CDH18: variants seen among roughly 807,000 people sequenced by gnomAD.
CDH18 encodes cadherin 18.
Under a neutral mutation model 67.9 loss-of-function variants are expected in CDH18, and 31 were observed. The observed-to-expected ratio is 0.46, with a 90% CI of 0.34 to 0.62. CDH18 has a LOEUF of 0.62. Ranked by LOEUF, CDH18 falls within the 20% of genes least tolerant of loss-of-function variation. The pLI, the probability that CDH18 is intolerant of heterozygous loss-of-function variation, is 0.01. For missense variants in CDH18, 890 were observed against 975.5 expected (o/e 0.91, Z 1.17); for synonymous variants, 362 against 347.2 (o/e 1.04, Z -0.48).
chr5:19,542,598 G>A (rs1750448704), intron 9 of CDH18, among the ~76,000 whole-genome samples: 1 of 152,076 alleles, frequency 6.6e-6, no homozygotes, highest in Non-Finnish European at 1.5e-5. Flanking sequence ...AAGTACCAAT[G>A]ACACATACTA....
intron 10 of CDH18, among the ~76,000 whole-genome samples, chr5:19,512,030 G>A (rs1027933310): frequency 6.6e-6 from 1 of 152,132 alleles, no homozygotes; most frequent in Non-Finnish European, 1.5e-5. Flanking sequence ...ATGCTGCTTT[G>A]TGCAGGACTT....
At chr5:20,497,831 C>G (rs1754003529) in intron 1 of CDH18, among the ~76,000 whole-genome samples, 1 of 152,014 alleles carries the variant, frequency 6.6e-6, no homozygotes. Context: ...ATTTGTGTCC[C>G]CTACAAAAGT....
chr5:19,913,271 TCA>T (rs1791360012), intron 2 of CDH18, among the ~76,000 whole-genome samples: 1 of 152,176 alleles, frequency 6.6e-6, no homozygotes, highest in Admixed American at 6.6e-5. Flanking sequence ...CTCTTTTTTC[TCA>T]TATATGTTTT....
intron 2 of CDH18, among the ~76,000 whole-genome samples, chr5:19,841,908 T>C (rs1367524974): frequency 6.6e-6 from 1 of 152,214 alleles, no homozygotes; most frequent in Non-Finnish European, 1.5e-5. Context: ...AAAATAGATA[T>C]ATACTGTGCT....
intron 2 of CDH18, among the ~76,000 whole-genome samples, chr5:20,080,565 G>A (rs1744367301): frequency 6.6e-6 from 1 of 152,034 alleles, no homozygotes; most frequent in South Asian, 2.1e-4. Context: ...TAAAATACTT[G>A]AATGTAATAA....
chr5:19,714,911 G>T (rs1765162261), intron 5 of CDH18, among the ~76,000 whole-genome samples: 1 of 151,884 alleles, frequency 6.6e-6, no homozygotes, highest in Non-Finnish European at 1.5e-5. Context: ...TTATCAATAG[G>T]AATGGGTTAT....
chr5:19,535,511 C>A (rs954434821), intron 9 of CDH18, among the ~76,000 whole-genome samples: 1 of 152,034 alleles, frequency 6.6e-6, no homozygotes, highest in African/African-American at 2.4e-5. Context: ...CAGCTGCTAA[C>A]CAAAAATAAC....
intron 2 of CDH18, among the ~76,000 whole-genome samples, chr5:20,090,096 GAA>G (rs1745292403): frequency 6.6e-6 from 1 of 151,910 alleles, no homozygotes; most frequent in African/African-American, 2.4e-5. Context: ...AATAAAAGCA[GAA>G]AATAACAAAA....
Position 19,747,064 on chromosome 5 carries a change from C to G in CDH18, c.401G>C (p.Arg134Pro). 4 of 1,614,048 alleles carry G rather than the reference C, an allele frequency of 2.5e-6. No individual in the cohort carries two copies. Among genetic ancestry groups the G allele is most frequent in the Non-Finnish European group, 3.4e-6 (4 of 1,179,984 alleles). The change falls in exon 4 of 13, where the codon CGT (arginine) becomes CCT (proline). Residue 134 changes from arginine to proline, a missense_variant. Physicochemically the swap from Arg to Pro is moderately radical, Grantham distance 103 (BLOSUM62 -2). Transcript: ENST00000382275. Reference sequence around the variant, plus strand: ...TTCAGGCTCAAGAGGTTTGTTTGTACGTCTATCAATAGCTTGAGCATGAAG... The same window carrying G: ...TTCAGGCTCAAGAGGTTTGTTTGTAGGTCTATCAATAGCTTGAGCATGAAG... ...YVLHAQAIDR[R>P]TNKPLEPESE... is the part of the protein sequence containing the mutation.
chr5:20,246,302 A>G (rs1398887508), intron 2 of CDH18, among the ~76,000 whole-genome samples: 2 of 152,194 alleles, frequency 1.3e-5, no homozygotes, highest in East Asian at 1.9e-4. Context: ...TTATTTTTGT[A>G]TATCAATGAT....
At chr5:19,769,959 A>G (rs1773548776) in intron 3 of CDH18, among the ~76,000 whole-genome samples, 1 of 152,078 alleles carries the variant, frequency 6.6e-6, no homozygotes, top group Non-Finnish European at 1.5e-5. Context: ...AAGATATGTA[A>G]ACAATAAATA....
chr5:20,209,937 C>A (rs1019614454), intron 2 of CDH18, among the ~76,000 whole-genome samples: 1 of 150,894 alleles, frequency 6.6e-6, no homozygotes, highest in South Asian at 2.1e-4. Context: ...ATCACATGTA[C>A]CCCCAAAATA....
intron 4 of CDH18, among the ~76,000 whole-genome samples, chr5:19,746,518 C>T (rs1238406864): frequency 3.3e-5 from 5 of 152,124 alleles, no homozygotes; most frequent in Non-Finnish European, 7.4e-5. Flanking sequence ...TTTGGTCATA[C>T]ACTGAAAGCT....
chr5:19,890,703 T>TC (rs1788699115), intron 2 of CDH18, among the ~76,000 whole-genome samples: 1 of 151,872 alleles, frequency 6.6e-6, no homozygotes, highest in Non-Finnish European at 1.5e-5. Context: ...CAAGTGATTC[T>TC]CCTCCCTCAG....
chr5:19,969,102 A>G (rs1797769738), intron 2 of CDH18, among the ~76,000 whole-genome samples: 1 of 146,132 alleles, frequency 6.8e-6, no homozygotes, highest in Non-Finnish European at 1.5e-5. Context: ...AATGCTCACC[A>G]TCACTGGCCA....
intron 1 of CDH18, among the ~76,000 whole-genome samples, chr5:19,986,295 A>C (rs1799552110): frequency 6.6e-6 from 1 of 152,214 alleles, no homozygotes; most frequent in South Asian, 2.1e-4. Context: ...ATAGCTAATT[A>C]TAATCAGTCT....
At chr5:19,557,005 C>G (rs948272733) in intron 8 of CDH18, among the ~76,000 whole-genome samples, 1 of 152,072 alleles carries the variant, frequency 6.6e-6, no homozygotes, top group African/African-American at 2.4e-5. Flanking sequence ...CAAAACACTT[C>G]TCAGTCAAGA....
At chr5:20,466,352 C>T (rs1751633281) in intron 1 of CDH18, among the ~76,000 whole-genome samples, 2 of 151,990 alleles carry the variant, frequency 1.3e-5, no homozygotes, top group South Asian at 4.1e-4. Context: ...ACATGATTTC[C>T]ATTGTTATTT....
chr5:19,909,877 C>A lies in CDH18; in HGVS notation c.-256-70635G>T, dbSNP rs572979767. On this transcript the variant is annotated intron_variant, in intron 2 of 12. Coordinates refer to ENST00000382275, the MANE Select transcript of CDH18 (RefSeq NM_004934.5). ...ATGATTACTGGTGCTTTCCTTTATT[C>A]TTTTTTGGTGAGTAATTACTACACT... Among the ~76,000 whole-genome samples the A allele has an allele frequency of 3.1e-3, 475 of 152,146 alleles. 1 individual carries two copies. Among genetic ancestry groups the A allele is most frequent in the Non-Finnish European group, 5.6e-3 (383 of 67,988 alleles).
Sources: gnomAD v4.1 joint callset for allele counts (sites outside exome capture counted in the v4.1 genomes callset) on GRCh38, gnomAD v4.1.1 for gene constraint, MANE v1.5 for transcripts, NCBI Gene and HGNC (gene_info 2026-07-23, HGNC 2026-07-21) for gene names.